The following ARHGAP22 variants were observed in gnomAD, a reference collection of about 807,000 sequenced individuals.
ARHGAP22 encodes the protein Rho GTPase activating protein 22.
ARHGAP22 carries 48 observed loss-of-function variants against 59.1 expected under a neutral mutation model. The observed-to-expected ratio is 0.81, with a 90% CI of 0.64 to 1.03. The LOEUF (loss-of-function observed/expected upper bound fraction) is 1.03, where lower values mean the gene tolerates loss of function less well. Among genes scored for constraint, ARHGAP22 ranks in the 50% least tolerant of loss-of-function variants. The pLI, the probability that ARHGAP22 is intolerant of heterozygous loss-of-function variation, is 0.00. For missense variants in ARHGAP22, 1,015 were observed against 958.7 expected, an observed-to-expected ratio of 1.06 and a Z score of -0.78; for synonymous variants, 445 against 416.4, an observed-to-expected ratio of 1.07 and a Z score of -0.84.
intron 3 of ARHGAP22, among the ~76,000 whole-genome samples, chr10:48,487,555 T>C (rs2049978776): frequency 6.6e-6 from 1 of 152,114 alleles, no homozygotes; most frequent in African/African-American, 2.4e-5. Flanking sequence ...ATTTTTAGTC[T>C]TGAAGGTGGA....
At chr10:48,524,124 G>A in intron 3 of ARHGAP22, 6 of 1,323,554 alleles carry the variant, frequency 4.5e-6, no homozygotes, top group Non-Finnish European at 5.8e-6. Context: ...CCGCGGCCCC[G>A]CCGCTCGGCT....
At chr10:48,562,829 TG>T (rs2057775049) in intron 2 of ARHGAP22, among the ~76,000 whole-genome samples, 1 of 152,220 alleles carries the variant, frequency 6.6e-6, no homozygotes, top group African/African-American at 2.4e-5. Flanking sequence ...AAACTGAATT[TG>T]ATTCAGTTAT....
intron 1 of ARHGAP22, among the ~76,000 whole-genome samples, chr10:48,642,651 G>T (rs1202011417): frequency 2.0e-5 from 3 of 152,158 alleles, no homozygotes; most frequent in Admixed American, 1.3e-4. Flanking sequence ...GAAAACCTAG[G>T]CAATACCATT....
At chr10:48,620,306 T>C (rs992068858) in intron 1 of ARHGAP22, among the ~76,000 whole-genome samples, 5 of 152,166 alleles carry the variant, frequency 3.3e-5, no homozygotes, top group Non-Finnish European at 7.3e-5. Flanking sequence ...TAAGTGTTTT[T>C]CATACACTGT....
chr10:48,470,568 C>G (rs1032488641), intron 4 of ARHGAP22, among the ~76,000 whole-genome samples: 1 of 152,212 alleles, frequency 6.6e-6, no homozygotes, highest in Middle Eastern at 3.2e-3. Context: ...GGCCTGCCCT[C>G]TATGAGCCTG....
At chr10:48,577,801 GTTTTTTTTTTTTTTT>G (rs34557935) in intron 2 of ARHGAP22, among the ~76,000 whole-genome samples, 5 of 59,142 alleles carry the variant, frequency 8.5e-5, no homozygotes, top group Non-Finnish European at 1.2e-4. Flanking sequence ...CTCTTTTTTG[GTTTTTTTTTTTTTTT>G]TTTTTTTTTT....
chr10:48,535,806 T>C lies in ARHGAP22; in HGVS notation c.322+19657A>G, dbSNP rs1183983478. Reference sequence around the variant, plus strand: ...CAGTTCATGTGGACAACGAATGGGGTAGAAGGCCCTGAGGGTTGTCAGCAT... The same window carrying C: ...CAGTTCATGTGGACAACGAATGGGGCAGAAGGCCCTGAGGGTTGTCAGCAT... On this transcript the variant is annotated intron_variant, in intron 3 of 9. Coordinates refer to ENST00000249601, the MANE Select transcript of ARHGAP22 (RefSeq NM_021226.4). Among the ~76,000 whole-genome samples, 3 of 152,280 alleles carry C rather than the reference T, an allele frequency of 2.0e-5. No individual in the cohort carries two copies. In the East Asian group the frequency reaches 5.8e-4, roughly 29 times the overall value.
chr10:48,547,847 A>G (rs1176484471), intron 3 of ARHGAP22, among the ~76,000 whole-genome samples: 22 of 152,224 alleles, frequency 1.4e-4, no homozygotes, highest in Non-Finnish European at 3.2e-4. Context: ...GGCAAGGCCA[A>G]TGATGTGACA....
intron 3 of ARHGAP22, among the ~76,000 whole-genome samples, chr10:48,544,198 T>C (rs903223093): frequency 6.6e-6 from 1 of 152,148 alleles, no homozygotes; most frequent in Non-Finnish European, 1.5e-5. Context: ...CTTCACATGA[T>C]GATTACAGCT....
At chr10:48,585,377 CT>C (rs1437437387) in intron 1 of ARHGAP22, among the ~76,000 whole-genome samples, 3 of 152,184 alleles carry the variant, frequency 2.0e-5, no homozygotes, top group Admixed American at 1.3e-4. Flanking sequence ...CATTGGCCCC[CT>C]GATCCCACTT....
At chr10:48,590,875 T>C (rs891626550) in intron 1 of ARHGAP22, among the ~76,000 whole-genome samples, 8 of 151,796 alleles carry the variant, frequency 5.3e-5, no homozygotes, top group Non-Finnish European at 1.0e-4. Context: ...GGGTGGGCAG[T>C]GGAAGGGATG....
chr10:48,499,043 G>T (rs574123962), intron 3 of ARHGAP22, among the ~76,000 whole-genome samples: 44 of 152,298 alleles, frequency 2.9e-4, no homozygotes, highest in African/African-American at 9.4e-4. Flanking sequence ...GTCGCTTGGT[G>T]GTCATCTTGC....
At chr10:48,564,137 A>G (rs1183406604) in intron 2 of ARHGAP22, among the ~76,000 whole-genome samples, 1 of 152,242 alleles carries the variant, frequency 6.6e-6, no homozygotes, top group African/African-American at 2.4e-5. Context: ...CAACTTTAAA[A>G]TAAAATGTCC....
At position 48,451,030 on chromosome 10, in the gene ARHGAP22, C is replaced by A. The variant is rs1258859082; in HGVS notation, c.1099G>T (p.Ala367Ser). Residue 367 changes from alanine (A) to serine (S), a missense_variant, in exon 9 of 10, where the codon GCA becomes TCA. Transcript: ENST00000249601. ...PTSPRGGLQC[A>S]VGWGSEEVTR... is the part of the protein sequence containing the mutation. ...ACCTCCTCGGAGCCCCACCCCACTG[C>A]GCATTGCAGGCCCCCGCGCGGGGAG... The A allele has an allele frequency of 6.4e-7, 1 of 1,554,020 alleles. No homozygotes were observed. Among genetic ancestry groups the A allele is most frequent in the Non-Finnish European group, 8.7e-7 (1 of 1,148,926 alleles).
At chr10:48,539,710 AC>A (rs1322745328) in intron 3 of ARHGAP22, among the ~76,000 whole-genome samples, 42 of 152,322 alleles carry the variant, frequency 2.8e-4, no homozygotes, top group African/African-American at 9.9e-4. Flanking sequence ...CATTCTGAAT[AC>A]CTTTCCATAG....
intron 1 of ARHGAP22, among the ~76,000 whole-genome samples, chr10:48,617,055 C>T (rs2061107637): frequency 6.6e-6 from 1 of 151,616 alleles, no homozygotes. Flanking sequence ...GTAGTAATAA[C>T]ATAAATTTGG....
chr10:48,453,966 T>G (rs139203386), intron 7 of ARHGAP22, 122 bp downstream of exon 7: 2 of 1,015,710 alleles, frequency 2.0e-6, no homozygotes. Flanking sequence ...GTTGAGGCTG[T>G]GCAGGGTGGG....
At chr10:48,445,581 G>A (rs72794398), downstream of ARHGAP22, 46,357 of 152,614 alleles carry the variant, frequency 0.3, 7,171 homozygotes, top group South Asian at 0.39. Context: ...CTGGGCAGGC[G>A]CCCAGAGTGA....
At chr10:48,539,053 GT>G (rs1232337144) in intron 3 of ARHGAP22, among the ~76,000 whole-genome samples, 1 of 152,170 alleles carries the variant, frequency 6.6e-6, no homozygotes, top group Non-Finnish European at 1.5e-5. Context: ...TTGGAAATTA[GT>G]TTGAAATTTA....
Sources: allele counts gnomAD v4.1 joint callset (sites outside exome capture counted in the v4.1 genomes callset), GRCh38; gene constraint gnomAD v4.1.1; transcripts MANE v1.5; gene names NCBI Gene and HGNC (gene_info 2026-07-23, HGNC 2026-07-21).